Variants in PIEZO2 observed in about 807,000 individuals in gnomAD.
The protein encoded by PIEZO2 is piezo-type mechanosensitive ion channel component 2.
PIEZO2 carries 172 observed loss-of-function variants against 337.3 expected under a neutral mutation model. That is an observed-to-expected ratio of 0.51 (90% CI 0.45 to 0.58). PIEZO2 has a LOEUF of 0.58. Ranked by LOEUF, PIEZO2 falls within the 20% of genes least tolerant of loss-of-function variation. The pLI, the probability that PIEZO2 is intolerant of heterozygous loss-of-function variation, is 0.00. For synonymous variants in PIEZO2, 1,251 were observed against 1,228.5 expected, an observed-to-expected ratio of 1.02 and a Z score of -0.38; for missense variants, 3,028 against 3,391.3, an observed-to-expected ratio of 0.89 and a Z score of 2.66.
intron 1 of PIEZO2, among the ~76,000 whole-genome samples, chr18:11,108,208 G>T (rs780253861): frequency 6.6e-6 from 1 of 152,096 alleles, no homozygotes; most frequent in Non-Finnish European, 1.5e-5. Flanking sequence ...AAATTAAAAC[G>T]CTTGGTATTT....
chr18:10,704,325 G>A, intron 42 of PIEZO2, 69 bp downstream of exon 42: 1 of 1,502,726 alleles, frequency 6.7e-7, no homozygotes, highest in Non-Finnish European at 8.9e-7. Context: ...GAGGGCACAG[G>A]GACACAAGGT....
In PIEZO2 at chr18:10,899,540, A is replaced by G. The variant is rs2042990348; in HGVS notation, c.329+11646T>C. Among the ~76,000 whole-genome samples, 1 of 152,158 alleles carries G rather than the reference A, an allele frequency of 6.6e-6. No homozygotes were observed. The highest frequency in any genetic ancestry group is 1.5e-5 in the Non-Finnish European group (1 of 68,024). ...AAAAGGCATTTTATGGTGGTTAGAG[A>G]TATCAGAGAGCTAATTTCAGACTTG... is the stretch of plus-strand genomic sequence containing the variant. On this transcript the variant is annotated intron_variant, in intron 4 of 55. Coordinates refer to ENST00000674853, the MANE Select transcript of PIEZO2 (RefSeq NM_001378183.1). The surrounding 1 kb of genome is among the most constrained non-coding windows in gnomAD (Gnocchi z 4.6).
chr18:10,979,564 G>C lies in PIEZO2; in HGVS notation c.257C>G (p.Ala86Gly), dbSNP rs766288551. The change falls in exon 3 of 56, where the codon GCT becomes GGT. Residue 86 changes from alanine to glycine, a missense_variant. Physicochemically the swap from Ala to Gly is moderately conservative, Grantham distance 60. This residue lies in a region of PIEZO2 where 542 missense variants were observed against 605.6 expected (regional missense o/e 0.89). Coordinates refer to ENST00000674853, the MANE Select transcript of PIEZO2 (RefSeq NM_001378183.1). The surrounding 1 kb of genome is among the most constrained non-coding windows in gnomAD (Gnocchi z 4.0). ...IFHITLVSLEAQHRIAPGYNC... is the reference protein window; with the variant it reads ...IFHITLVSLEGQHRIAPGYNC... Reference sequence around the variant, plus strand: ...GTAGCCAGGTGCAATACGATGTTGAGCTTCAAGGCTCACCAACGTGATGTG... The same window carrying C: ...GTAGCCAGGTGCAATACGATGTTGACCTTCAAGGCTCACCAACGTGATGTG... The C allele has an allele frequency of 4.6e-6, 7 of 1,534,498 alleles. 1 individual carries two copies. In the South Asian group the frequency reaches 8.4e-5, roughly 18 times the overall value.
chr18:10,804,264 C>T (rs958958087), intron 8 of PIEZO2, among the ~76,000 whole-genome samples: 3 of 152,220 alleles, frequency 2.0e-5, no homozygotes, highest in Non-Finnish European at 4.4e-5. Context: ...AGCTTTTCCA[C>T]GTGCATTCTC....
At chr18:10,694,354 G>A (rs2034990949) in intron 47 of PIEZO2, among the ~76,000 whole-genome samples, 1 of 152,074 alleles carries the variant, frequency 6.6e-6, no homozygotes, top group Non-Finnish European at 1.5e-5. Context: ...GTTTACTTAT[G>A]AGCCACATAC....
chr18:10,979,026 A>T lies in PIEZO2; in HGVS notation c.286+509T>A, dbSNP rs149619771. On this transcript the variant is annotated intron_variant, in intron 3 of 55. Transcript: ENST00000674853. This position sits in a 1 kb window ranked among gnomAD's most constrained non-coding sequence, Gnocchi z 4.0. ...ATACTGTTTCCCTATAAATACTAAT[A>T]AAAAAAACCTTCCAATTCAGAAAAG... Among the ~76,000 whole-genome samples, 181 of 150,940 alleles carry T rather than the reference A, an allele frequency of 1.2e-3. 1 individual carries two copies. Among genetic ancestry groups the T allele is most frequent in the African/African-American group, 4.2e-3 (169 of 40,416 alleles).
intron 2 of PIEZO2, among the ~76,000 whole-genome samples, chr18:11,000,961 A>T (rs1167794670): frequency 6.6e-6 from 1 of 152,196 alleles, no homozygotes; most frequent in Non-Finnish European, 1.5e-5. Context: ...CCCAGCACTG[A>T]CCAGAAATTA....
intron 2 of PIEZO2, among the ~76,000 whole-genome samples, chr18:10,987,723 C>T (rs1178773025): frequency 6.6e-6 from 1 of 151,794 alleles, no homozygotes; most frequent in Non-Finnish European, 1.5e-5. Flanking sequence ...GACTTCTGCA[C>T]AGCAAAAGAA....
rs1434456696 is a variant in PIEZO2 at position 10,726,167 on chromosome 18, A to G, written c.5029+5240T>C. Among the ~76,000 whole-genome samples, 3 of 152,140 alleles carry G rather than the reference A, an allele frequency of 2.0e-5. No homozygotes were observed. Among genetic ancestry groups the G allele is most frequent in the South Asian group, 2.1e-4 (1 of 4,822 alleles). Reference sequence around the variant, plus strand: ...GGGGGATGGGTGGGAGAGGATTCATATATGTGAGCAACTGTGGATCCTTGG... The same window carrying G: ...GGGGGATGGGTGGGAGAGGATTCATGTATGTGAGCAACTGTGGATCCTTGG... On this transcript the variant is annotated intron_variant, in intron 36 of 55. Coordinates refer to ENST00000674853, the MANE Select transcript of PIEZO2 (RefSeq NM_001378183.1). This position sits in a 1 kb window ranked among gnomAD's most constrained non-coding sequence, Gnocchi z 5.9.
At position 10,783,370 on chromosome 18, in the gene PIEZO2, TA is replaced by T. The variant is rs1382660695; in HGVS notation, c.2492+1413del. 1.3e-5 allele frequency among the ~76,000 whole-genome samples: 2 copies of T among 152,178 alleles called. No homozygotes were observed. The highest frequency in any genetic ancestry group is 1.9e-4 in the East Asian group (1 of 5,198). ...TCACAAACAATGTCAAAATAATGAT[TA>T]AAAAAATCCTTTTTCTGATTATTGA... On this transcript the variant is annotated intron_variant, in intron 17 of 55. Coordinates refer to ENST00000674853, the MANE Select transcript of PIEZO2 (RefSeq NM_001378183.1). The surrounding 1 kb of genome is among the most constrained non-coding windows in gnomAD (Gnocchi z 4.3).
intron 29 of PIEZO2, among the ~76,000 whole-genome samples, chr18:10,749,159 A>G (rs1011636712): frequency 6.6e-6 from 1 of 152,188 alleles, no homozygotes; most frequent in African/African-American, 2.4e-5. Flanking sequence ...ATAAAAAAAA[A>G]ATTAATCTTT....
intron 49 of PIEZO2, 69 bp downstream of exon 49, chr18:10,689,586 A>G: frequency 6.2e-7 from 1 of 1,604,170 alleles, no homozygotes. Context: ...AGAAGTTCAC[A>G]TTCATCTTAT....
rs764836600 is a variant in PIEZO2 at position 10,746,713 on chromosome 18, A to AG, written c.4424+1757dup. On this transcript the variant is annotated intron_variant, in intron 30 of 55. Coordinates refer to ENST00000674853, the MANE Select transcript of PIEZO2 (RefSeq NM_001378183.1). The surrounding 1 kb of genome is among the most constrained non-coding windows in gnomAD (Gnocchi z 4.2). ...TTACTATCTTTATAAAAGAAGCCCA[A>AG]GGGGGGTCTCTTGCCCCTTCCACCA... is the stretch of plus-strand genomic sequence containing the variant. Among the ~76,000 whole-genome samples, 196 of 152,318 alleles carry AG rather than the reference A, an allele frequency of 1.3e-3. 1 individual carries two copies. In the Middle Eastern group the frequency reaches 0.014, roughly 11 times the overall value.
At chr18:10,820,787 A>G (rs1241654493) in intron 7 of PIEZO2, among the ~76,000 whole-genome samples, 2 of 152,216 alleles carry the variant, frequency 1.3e-5, no homozygotes, top group Admixed American at 6.5e-5. Context: ...AGTTACTTGC[A>G]TCAGCTTTAT....
chr18:10,966,209 G>A (rs1485950461), intron 3 of PIEZO2, among the ~76,000 whole-genome samples: 1 of 152,170 alleles, frequency 6.6e-6, no homozygotes, highest in Admixed American at 6.5e-5. Context: ...CCAGAAATCT[G>A]GGCATCATCT....
At chr18:11,137,887 T>TAAAA (rs1373046796) in intron 1 of PIEZO2, among the ~76,000 whole-genome samples, 1 of 152,188 alleles carries the variant, frequency 6.6e-6, no homozygotes, top group Non-Finnish European at 1.5e-5. Flanking sequence ...AAAACATTTT[T>TAAAA]AAAAATAATA....
At position 10,953,263 on chromosome 18, in the gene PIEZO2, T is replaced by C. The variant is rs759669309; in HGVS notation, c.286+26272A>G. 2.6e-5 allele frequency among the ~76,000 whole-genome samples: 4 copies of C among 152,112 alleles called. No homozygotes were observed. Among genetic ancestry groups the C allele is most frequent in the Non-Finnish European group, 5.9e-5 (4 of 68,004 alleles). The stretch of plus-strand genomic sequence containing the variant: ...ATTTTGATGAAGTGTAATTTATCAG[T>C]TTTTTCTCTTATGAGTTGTGATTTT... On this transcript the variant is annotated intron_variant, in intron 3 of 55. Coordinates refer to ENST00000674853, the MANE Select transcript of PIEZO2 (RefSeq NM_001378183.1). This position sits in a 1 kb window ranked among gnomAD's most constrained non-coding sequence, Gnocchi z 5.2.
chr18:11,140,581 T>C (rs1028945118), intron 1 of PIEZO2, among the ~76,000 whole-genome samples: 5 of 152,168 alleles, frequency 3.3e-5, no homozygotes, highest in Non-Finnish European at 7.3e-5. Context: ...CTTAGGGACT[T>C]GAGTCTAGCT....
intron 43 of PIEZO2, 154 bp downstream of exon 43, chr18:10,701,835 T>C: frequency 4.9e-6 from 2 of 410,288 alleles, no homozygotes; most frequent in Non-Finnish European, 3.9e-6. Flanking sequence ...TTTCTCTCTC[T>C]TTTTTTTTTT....
Sources: gnomAD v4.1 joint callset for allele counts (sites outside exome capture counted in the v4.1 genomes callset) on GRCh38, gnomAD v4.1.1 for gene constraint, gnomAD v4.1.1 regional missense constraint, Gnocchi (gnomAD v3.1) non-coding constraint, MANE v1.5 for transcripts, NCBI Gene and HGNC (gene_info 2026-07-23, HGNC 2026-07-21) for gene names.